Variants in TNPO1 observed in about 807,000 individuals in gnomAD.
TNPO1 encodes transportin-1.
In TNPO1, 8 loss-of-function variants were observed where a neutral mutation model predicts 119.5. That is an observed-to-expected ratio of 0.07 (90% CI 0.04 to 0.12). The LOEUF (loss-of-function observed/expected upper bound fraction) is 0.12, where lower values mean the gene tolerates loss of function less well. Among genes scored for constraint, TNPO1 ranks in the 10% least tolerant of loss-of-function variants. TNPO1 has a pLI of 1.00. For synonymous variants in TNPO1, 362 were observed against 363.0 expected, an observed-to-expected ratio of 1.00 and a Z score of 0.03; for missense variants, 576 against 1,089.8, an observed-to-expected ratio of 0.53 and a Z score of 6.64.
chr5:72,857,713 A>G (rs1308630306), intron 4 of TNPO1, among the ~76,000 whole-genome samples: 1 of 152,208 alleles, frequency 6.6e-6, no homozygotes, highest in Non-Finnish European at 1.5e-5. Flanking sequence ...GAGTTATGAG[A>G]TTGTTTCTTC....
intron 20 of TNPO1, among the ~76,000 whole-genome samples, chr5:72,898,149 G>T (rs920994562): frequency 6.6e-6 from 1 of 152,006 alleles, no homozygotes; most frequent in African/African-American, 2.4e-5. Context: ...ATGAAATCTT[G>T]TTAGGATTTT....
intron 11 of TNPO1, among the ~76,000 whole-genome samples, chr5:72,883,731 T>TTTTG (rs565641575): frequency 1.3e-5 from 2 of 152,054 alleles, no homozygotes; most frequent in Non-Finnish European, 2.9e-5. Flanking sequence ...TGTAGACTTT[T>TTTTG]TTTGTTTGTT....
chr5:72,894,459 C>T (rs1418520295), intron 18 of TNPO1, among the ~76,000 whole-genome samples: 1 of 152,216 alleles, frequency 6.6e-6, no homozygotes, highest in Non-Finnish European at 1.5e-5. Context: ...GTCACGAAGT[C>T]AGGAGATCAA....
In TNPO1 at chr5:72,864,432, G is replaced by GTAAC. The variant is rs200112695; in HGVS notation, c.463-1161_463-1158dup. ...TATAAACAGTAAAGTAGGTGGGTGG[G>GTAAC]TAACTAGTAGGTTACATGTTATGTA... On this transcript the variant is annotated intron_variant, in intron 5 of 24. Transcript: ENST00000337273. Among the ~76,000 whole-genome samples the GTAAC allele has an allele frequency of 4.7e-3, 720 of 152,182 alleles. 7 individuals carry two copies. Among genetic ancestry groups the GTAAC allele is most frequent in the African/African-American group, 0.017 (700 of 41,536 alleles).
At chr5:72,889,706 C>T in intron 13 of TNPO1, 80 bp from the exon 14 acceptor site, 1 of 1,451,630 alleles carries the variant, frequency 6.9e-7, no homozygotes, top group Admixed American at 2.4e-5. Flanking sequence ...TTGGGTAAAA[C>T]AGAACATAAA....
chr5:72,827,402 G>A (rs1212314500), intron 1 of TNPO1, among the ~76,000 whole-genome samples: 1 of 152,144 alleles, frequency 6.6e-6, no homozygotes, highest in Non-Finnish European at 1.5e-5. Context: ...CATTTTTGCT[G>A]CTTTGTCTCA....
chr5:72,886,252 A>G (rs1167208945), intron 11 of TNPO1, among the ~76,000 whole-genome samples: 2 of 152,200 alleles, frequency 1.3e-5, no homozygotes, highest in Admixed American at 1.3e-4. Flanking sequence ...TTCTTTGTAA[A>G]GAGTATTTTC....
intron 1 of TNPO1, among the ~76,000 whole-genome samples, chr5:72,822,797 T>C (rs1398591782): frequency 1.3e-5 from 2 of 151,968 alleles, no homozygotes; most frequent in Non-Finnish European, 2.9e-5. Flanking sequence ...TTCACTGTGC[T>C]GTGCAGGCGT....
intron 11 of TNPO1, among the ~76,000 whole-genome samples, chr5:72,883,435 G>T (rs897558131): frequency 1.3e-5 from 2 of 152,094 alleles, no homozygotes; most frequent in African/African-American, 4.8e-5. Context: ...ACTCCCTATT[G>T]TTCACTGGCT....
At chr5:72,831,811 A>T (rs1771131378) in intron 1 of TNPO1, among the ~76,000 whole-genome samples, 1 of 152,020 alleles carries the variant, frequency 6.6e-6, no homozygotes, top group South Asian at 2.1e-4. Context: ...TTAATAGCTT[A>T]ATCTGGGAAA....
At chr5:72,848,537 G>A (rs768502065) in intron 2 of TNPO1, 39 bp downstream of exon 2, 11 of 1,395,412 alleles carry the variant, frequency 7.9e-6, no homozygotes, top group Non-Finnish European at 9.6e-6. Flanking sequence ...CGCGCAGCTC[G>A]CCCCGCGCTG....
intron 2 of TNPO1, among the ~76,000 whole-genome samples, chr5:72,850,383 G>T (rs1745452742): frequency 6.6e-6 from 1 of 152,148 alleles, no homozygotes; most frequent in South Asian, 2.1e-4. Flanking sequence ...TATGTTGTTG[G>T]TTCGTTTACT....
chr5:72,855,684 A>G, intron 3 of TNPO1, 90 bp from the exon 4 acceptor site: 2 of 1,101,600 alleles, frequency 1.8e-6, no homozygotes, highest in African/African-American at 1.6e-5. Context: ...ATGTCAATCA[A>G]CTTTTGAATA....
intron 12 of TNPO1, among the ~76,000 whole-genome samples, chr5:72,887,447 T>G (rs541411614): frequency 6.6e-6 from 1 of 152,300 alleles, no homozygotes; most frequent in South Asian, 2.1e-4. Flanking sequence ...CTCAGCACTT[T>G]GGGAGGCTTA....
At chr5:72,845,284 C>G (rs982120180) in intron 1 of TNPO1, among the ~76,000 whole-genome samples, 20 of 152,060 alleles carry the variant, frequency 1.3e-4, no homozygotes, top group Admixed American at 3.9e-4. Flanking sequence ...CAATATTGAT[C>G]TTGATATTCT....
chr5:72,862,807 G>T (rs368169662), intron 5 of TNPO1, among the ~76,000 whole-genome samples: 22 of 151,874 alleles, frequency 1.4e-4, no homozygotes, highest in Non-Finnish European at 2.9e-4. Context: ...CACCACGCCC[G>T]CCTAATTTTT....
rs150427072 is a variant in TNPO1, at chr5:72,822,080, C to G, written c.15+5328C>G. ...AGGGATGTTGAAGAGAGAGAACCTA[C>G]TGAGCCTTATGTCACCCTATCATGA... On this transcript the variant is annotated intron_variant, in intron 1 of 24. Coordinates refer to ENST00000337273, the MANE Select transcript of TNPO1 (RefSeq NM_002270.4). Among the ~76,000 whole-genome samples, 44 of 152,300 alleles carry G rather than the reference C, an allele frequency of 2.9e-4. No individual in the cohort carries two copies. The East Asian group carries it at 7.5e-3, about 26-fold the overall frequency.
chr5:72,818,170 G>A (rs1227992515), intron 1 of TNPO1, among the ~76,000 whole-genome samples: 2 of 152,116 alleles, frequency 1.3e-5, no homozygotes, highest in East Asian at 1.9e-4. Flanking sequence ...AAAAGGGGCC[G>A]CCACCCTTGA....
chr5:72,849,601 A>G (rs998671783), intron 2 of TNPO1, among the ~76,000 whole-genome samples: 1 of 152,226 alleles, frequency 6.6e-6, no homozygotes, highest in East Asian at 1.9e-4. Context: ...AAAACCTTCA[A>G]TAGATGACAA....
Sources: gnomAD v4.1 joint callset for allele counts (sites outside exome capture counted in the v4.1 genomes callset) on GRCh38, gnomAD v4.1.1 for gene constraint, MANE v1.5 for transcripts, NCBI Gene and HGNC (gene_info 2026-07-23, HGNC 2026-07-21) for gene names.